Variants in CDIN1 observed in about 807,000 individuals in gnomAD.
The protein encoded by CDIN1 is CDAN1-interacting nuclease 1.
CDIN1 carries 33 observed loss-of-function variants against 45.3 expected under a neutral mutation model. The ratio of observed to expected loss-of-function variants is 0.73; its 90% CI spans 0.55 to 0.97. CDIN1 has a LOEUF of 0.97. CDIN1 is among the 50% of genes least tolerant of loss of function. The pLI, the probability that CDIN1 is intolerant of heterozygous loss-of-function variation, is 0.00. For synonymous variants in CDIN1, 118 were observed against 124.4 expected (o/e 0.95, Z 0.34); for missense variants, 303 against 339.4 (o/e 0.89, Z 0.84).
chr15:36,638,404 G>A (rs539673573), intron 1 of CDIN1, among the ~76,000 whole-genome samples: 2 of 152,230 alleles, frequency 1.3e-5, no homozygotes, highest in Admixed American at 6.5e-5. Flanking sequence ...AGAGGGCCCC[G>A]GCATCCTCTA....
chr15:36,753,055 T>C (rs2140976064), intron 10 of CDIN1, among the ~76,000 whole-genome samples: 1 of 152,322 alleles, frequency 6.6e-6, no homozygotes, highest in South Asian at 2.1e-4. Context: ...CAGCCTTAGC[T>C]GAAAGAGCAA....
intron 10 of CDIN1, among the ~76,000 whole-genome samples, chr15:36,720,253 A>ATTAT (rs140642356): frequency 8.3e-5 from 12 of 145,442 alleles, no homozygotes; most frequent in Admixed American, 2.8e-4. Flanking sequence ...TTTATTATTT[A>ATTAT]TTATTTATTT....
chr15:36,589,591 C>T (rs1357366027), intron 1 of CDIN1, among the ~76,000 whole-genome samples: 2 of 151,880 alleles, frequency 1.3e-5, no homozygotes, highest in East Asian at 1.9e-4. Flanking sequence ...CTGCAAGCTC[C>T]GCCTCCTGGG....
At chr15:36,596,195 T>G (rs796638636) in intron 1 of CDIN1, among the ~76,000 whole-genome samples, 1 of 150,554 alleles carries the variant, frequency 6.6e-6, no homozygotes, top group African/African-American at 2.5e-5. Flanking sequence ...GCTCATTTTT[T>G]TTTTTTAAAG....
chr15:36,591,196 T>C (rs1261281385), intron 1 of CDIN1, among the ~76,000 whole-genome samples: 3 of 152,224 alleles, frequency 2.0e-5, no homozygotes, highest in Non-Finnish European at 4.4e-5. Flanking sequence ...TTTGAATGTG[T>C]CTTCTACATT....
In CDIN1 at chr15:36,687,017, A is replaced by G. The variant is rs537249903; in HGVS notation, c.347-4668A>G. 2.2e-5 allele frequency among the ~76,000 whole-genome samples: 3 copies of G among 135,140 alleles called. No individual in the cohort carries two copies. The South Asian group carries it at 8.5e-4, about 38-fold the overall frequency. The allele number at this position is 135,140 out of a possible 152,430, so 88.7% of individuals were successfully genotyped here. On this transcript the variant is annotated intron_variant, in intron 5 of 10. Transcript: ENST00000566621. ...CAATGTAGAATGTATTATTTCCAAGAGAATAGAAGGAAGGGAGGGAGGGAG... is the reference window on the plus strand; with the variant it reads ...CAATGTAGAATGTATTATTTCCAAGGGAATAGAAGGAAGGGAGGGAGGGAG...
intron 1 of CDIN1, among the ~76,000 whole-genome samples, chr15:36,590,081 G>A (rs377724642): frequency 7.2e-5 from 11 of 152,144 alleles, no homozygotes; most frequent in African/African-American, 2.4e-4. Flanking sequence ...CCAAGGAACA[G>A]TGACATGGCT....
At chr15:36,775,299 C>G (rs568125286) in intron 10 of CDIN1, among the ~76,000 whole-genome samples, 4 of 152,194 alleles carry the variant, frequency 2.6e-5, no homozygotes, top group South Asian at 2.1e-4. Context: ...TAAAATATCC[C>G]GAAGCACTCG....
chr15:36,734,410 T>TA (rs397796356), intron 10 of CDIN1: 602 of 387,480 alleles, frequency 1.6e-3, no homozygotes, highest in African/African-American at 0.012. Context: ...TTTTTTTTTT[T>TA]AAAAAAAGCT....
intron 10 of CDIN1, among the ~76,000 whole-genome samples, chr15:36,781,173 T>C (rs12102131): frequency 0.065 from 9,928 of 152,266 alleles, 1,109 homozygotes; most frequent in African/African-American, 0.23. Context: ...ATGTGTTACA[T>C]TGGGCTTACA....
At position 36,750,621 on chromosome 15, in the gene CDIN1, T is replaced by C. The variant is rs189233996; in HGVS notation, c.716+40660T>C. Among the ~76,000 whole-genome samples, 334 of 152,276 alleles carry C rather than the reference T, an allele frequency of 2.2e-3. 3 individuals are homozygous for C. Among genetic ancestry groups the C allele is most frequent in the Non-Finnish European group, 8.2e-4 (56 of 68,028 alleles). ...ACAGCAGGAAGGAGCACTGAGGCAGTGGCTTGAGCTCAGTCTGTGGGAGGA... is the reference window on the plus strand; with the variant it reads ...ACAGCAGGAAGGAGCACTGAGGCAGCGGCTTGAGCTCAGTCTGTGGGAGGA... On this transcript the variant is annotated intron_variant, in intron 10 of 10. Coordinates refer to ENST00000566621, the MANE Select transcript of CDIN1 (RefSeq NM_001321759.2).
At chr15:36,760,024 C>G (rs1466120149) in intron 10 of CDIN1, among the ~76,000 whole-genome samples, 3 of 152,174 alleles carry the variant, frequency 2.0e-5, no homozygotes, top group Admixed American at 1.3e-4. Flanking sequence ...AGGCATCACA[C>G]TGTATATACT....
At chr15:36,608,968 T>C (rs928855293) in intron 1 of CDIN1, among the ~76,000 whole-genome samples, 1 of 141,418 alleles carries the variant, frequency 7.1e-6, no homozygotes, top group Non-Finnish European at 1.5e-5. Flanking sequence ...TGTGTATGTA[T>C]GTGTGTATAT....
At chr15:36,738,174 G>T (rs2044101248) in intron 10 of CDIN1, among the ~76,000 whole-genome samples, 2 of 151,990 alleles carry the variant, frequency 1.3e-5, no homozygotes, top group Admixed American at 6.6e-5. Context: ...CCATCTGCGT[G>T]CTAATACTTC....
intron 5 of CDIN1, chr15:36,668,327 T>G (rs2041326233): frequency 6.6e-6 from 1 of 152,188 alleles, no homozygotes. Flanking sequence ...TAGAACTTTA[T>G]AGTTTATAAG....
chr15:36,788,096 A>T (rs200479444), intron 10 of CDIN1, among the ~76,000 whole-genome samples: 2 of 34,454 alleles, frequency 5.8e-5, no homozygotes, highest in African/African-American at 2.1e-4. Flanking sequence ...ATATATATAT[A>T]TATATATATA....
intron 8 of CDIN1, chr15:36,706,187 G>GAT (rs1421539190): frequency 3.9e-5 from 6 of 152,142 alleles, no homozygotes; most frequent in South Asian, 2.1e-4. Flanking sequence ...GACTATAAAA[G>GAT]AGATATATAT....
intron 5 of CDIN1, among the ~76,000 whole-genome samples, chr15:36,676,040 T>C (rs1228959882): frequency 6.6e-6 from 1 of 152,068 alleles, no homozygotes; most frequent in Non-Finnish European, 1.5e-5. Flanking sequence ...TCCTTGAAAG[T>C]TGTTGAGATT....
chr15:36,722,794 G>A (rs764625912), intron 10 of CDIN1, among the ~76,000 whole-genome samples: 4 of 152,116 alleles, frequency 2.6e-5, no homozygotes, highest in Non-Finnish European at 5.9e-5. Flanking sequence ...CGCATGTCTC[G>A]TACTCTTCTC....
Sources: allele counts gnomAD v4.1 joint callset (sites outside exome capture counted in the v4.1 genomes callset), GRCh38; gene constraint gnomAD v4.1.1; transcripts MANE v1.5; gene names NCBI Gene and HGNC (gene_info 2026-07-23, HGNC 2026-07-21).